ARHGAP12: variants seen among roughly 807,000 people sequenced by gnomAD.
ARHGAP12 encodes the protein Rho GTPase activating protein 12, also known as rho GTPase-activating protein 12.
In ARHGAP12, 64 loss-of-function variants were observed where a neutral mutation model predicts 108.6. The observed-to-expected ratio is 0.59, with a 90% CI of 0.48 to 0.73. The LOEUF is 0.73. Ranked by LOEUF, ARHGAP12 falls within the 30% of genes least tolerant of loss-of-function variation. The pLI, the probability that ARHGAP12 is intolerant of heterozygous loss-of-function variation, is 0.00. For missense variants in ARHGAP12, 940 were observed against 1,005.9 expected, an observed-to-expected ratio of 0.93 and a Z score of 0.89; for synonymous variants, 312 against 337.2, an observed-to-expected ratio of 0.93 and a Z score of 0.82.
At chr10:31,888,810 G>A (rs944094484) in intron 3 of ARHGAP12, among the ~76,000 whole-genome samples, 1 of 152,172 alleles carries the variant, frequency 6.6e-6, no homozygotes, top group African/African-American at 2.4e-5. Context: ...GGAAAAAAAG[G>A]TTAAGAAAAA....
intron 4 of ARHGAP12, among the ~76,000 whole-genome samples, chr10:31,855,546 T>A (rs1283289927): frequency 6.6e-6 from 1 of 152,190 alleles, no homozygotes; most frequent in Non-Finnish European, 1.5e-5. Context: ...AAACACTGCA[T>A]AAAGTGAATT....
chr10:31,907,336 GA>G (rs199997927), intron 3 of ARHGAP12, among the ~76,000 whole-genome samples: 4 of 141,738 alleles, frequency 2.8e-5, no homozygotes, highest in Non-Finnish European at 3.1e-5. Context: ...GGTTTAAAAA[GA>G]AAAAAAAAAG....
Position 31,861,810 on chromosome 10 carries a change from T to C in ARHGAP12, c.685-152A>G. 4 of 806,982 alleles carry C rather than the reference T, an allele frequency of 5.0e-6. No individual in the cohort carries two copies. In the East Asian group the frequency reaches 1.2e-4, roughly 23 times the overall value. The allele number at this position is 806,982 out of a possible 1,614,324, so 50.0% of individuals were successfully genotyped here. ...CTGAGGAAATAATAATTTAACAGTT[T>C]TAATATTCATAGTTTCATTGAAAAA... On this transcript the variant is annotated intron_variant, in intron 3 of 19. Transcript: ENST00000344936.
intron 1 of ARHGAP12, among the ~76,000 whole-genome samples, chr10:31,913,972 G>A (rs146944605): frequency 1.3e-3 from 194 of 152,170 alleles, no homozygotes; most frequent in African/African-American, 4.2e-3. Flanking sequence ...GAAATTTAAA[G>A]GTACTTGGTG....
At chr10:31,889,060 C>G (rs996562313) in intron 3 of ARHGAP12, among the ~76,000 whole-genome samples, 5 of 152,140 alleles carry the variant, frequency 3.3e-5, no homozygotes, top group African/African-American at 1.2e-4. Context: ...CAGGTGCCCA[C>G]CACCATGCCT....
At chr10:31,920,143 C>T (rs1440121147) in intron 1 of ARHGAP12, among the ~76,000 whole-genome samples, 1 of 149,558 alleles carries the variant, frequency 6.7e-6, no homozygotes, top group Non-Finnish European at 1.5e-5. Context: ...AGCAAACAAA[C>T]ATTCAAACTC....
chr10:31,807,675 A>C lies in ARHGAP12; in HGVS notation c.2524T>G (p.Ser842Ala). 1.9e-6 allele frequency: 3 copies of C among 1,602,040 alleles called. No homozygotes were observed. The highest frequency in any genetic ancestry group is 2.6e-6 in the Non-Finnish European group (3 of 1,176,422). Residue 842 changes from serine to alanine, a missense_variant, in exon 20 of 20, where the codon TCC (serine) becomes GCC (alanine). Coordinates refer to ENST00000344936, the MANE Select transcript of ARHGAP12 (RefSeq NM_018287.7). ...IVELILLELS[S>A]IFGR ...AGTAAGAATCAACGTCCGAAGATGG[A>C]ACTCAGTTCCAGAAGAATTAATTCT...
At chr10:31,910,849 A>G (rs1324367492) in intron 1 of ARHGAP12, among the ~76,000 whole-genome samples, 2 of 152,154 alleles carry the variant, frequency 1.3e-5, no homozygotes, top group Non-Finnish European at 2.9e-5. Flanking sequence ...GCATCTTTCT[A>G]AACTTCTGAT....
chr10:31,814,976 C>T (rs1343332681), intron 13 of ARHGAP12, among the ~76,000 whole-genome samples: 1 of 151,890 alleles, frequency 6.6e-6, no homozygotes, highest in African/African-American at 2.4e-5. Context: ...AAAAATTAGC[C>T]GGGCATGGTG....
chr10:31,826,265 T>C, intron 11 of ARHGAP12, 39 bp downstream of exon 11: 2 of 1,521,820 alleles, frequency 1.3e-6, no homozygotes, highest in Non-Finnish European at 1.8e-6. Flanking sequence ...ATTCACATAA[T>C]TTAAATGTAT....
At chr10:31,893,825 G>A (rs1015114974) in intron 3 of ARHGAP12, among the ~76,000 whole-genome samples, 3 of 152,134 alleles carry the variant, frequency 2.0e-5, no homozygotes, top group South Asian at 2.1e-4. Flanking sequence ...TATCCCTGAC[G>A]AACATCAATG....
intron 3 of ARHGAP12, among the ~76,000 whole-genome samples, chr10:31,882,098 TAG>T (rs1328540140): frequency 4.6e-5 from 7 of 151,990 alleles, no homozygotes; most frequent in Non-Finnish European, 7.4e-5. Flanking sequence ...GTATTTTTAG[TAG>T]AGACGGGGTT....
At position 31,840,355 on chromosome 10, in the gene ARHGAP12, G is replaced by GTT. The variant is rs35517549; in HGVS notation, c.1297-646_1297-645dup. ...TATCATAAGACCAAACCAATAACGTGTTTTTTTTTTAAGCAGTCTGCTTTG... is the reference window on the plus strand; with the variant it reads ...TATCATAAGACCAAACCAATAACGTGTTTTTTTTTTTTAAGCAGTCTGCTTTG... On this transcript the variant is annotated intron_variant, in intron 7 of 19. Coordinates refer to ENST00000344936, the MANE Select transcript of ARHGAP12 (RefSeq NM_018287.7). 5.5e-3 allele frequency among the ~76,000 whole-genome samples: 813 copies of GTT among 148,278 alleles called. 4 individuals are homozygous for GTT. Among genetic ancestry groups the GTT allele is most frequent in the South Asian group, 0.015 (69 of 4,706 alleles).
intron 2 of ARHGAP12, among the ~76,000 whole-genome samples, 169 bp from the exon 3 acceptor site, chr10:31,909,095 A>G (rs1839252477): frequency 6.6e-6 from 1 of 152,186 alleles, no homozygotes; most frequent in Non-Finnish European, 1.5e-5. Context: ...GCCACATTAA[A>G]AACACTTTCA....
rs370771029 is a variant in ARHGAP12, at chr10:31,865,246, G to A, written c.685-3588C>T. Among the ~76,000 whole-genome samples, 215 of 152,136 alleles carry A rather than the reference G, an allele frequency of 1.4e-3. 2 individuals carry two copies. The highest frequency in any genetic ancestry group is 0.014 in the Middle Eastern group (4 of 294). On this transcript the variant is annotated intron_variant, in intron 3 of 19. Transcript: ENST00000344936. ...AAAATATTACAGATTTTAGAGAGACGCAACTAGGAGGTTGGTACAGTAGTA... is the reference window on the plus strand; with the variant it reads ...AAAATATTACAGATTTTAGAGAGACACAACTAGGAGGTTGGTACAGTAGTA...
chr10:31,889,528 G>T, intron 3 of ARHGAP12, among the ~76,000 whole-genome samples: 1 of 150,006 alleles, frequency 6.7e-6, no homozygotes, highest in East Asian at 2.0e-4. Flanking sequence ...TAATAACTTT[G>T]AAAGTGTAAA....
intron 7 of ARHGAP12, among the ~76,000 whole-genome samples, chr10:31,840,846 G>T (rs1213434520): frequency 1.3e-5 from 2 of 152,046 alleles, no homozygotes; most frequent in East Asian, 1.9e-4. Context: ...ATCAAACAAG[G>T]TACTATTAAT....
At chr10:31,928,475 A>AACCCCCGCGCCCAGAGCCCCTC (rs1840161849) in intron 1 of ARHGAP12, among the ~76,000 whole-genome samples, 2 of 148,762 alleles carry the variant, frequency 1.3e-5, no homozygotes, top group East Asian at 3.9e-4. Flanking sequence ...CTCGGCGCCT[A>AACCCCCGCGCCCAGAGCCCCTC]ACCCCCGCGC....
At chr10:31,823,134 C>T (rs752692623) in intron 11 of ARHGAP12, among the ~76,000 whole-genome samples, 11 of 152,162 alleles carry the variant, frequency 7.2e-5, no homozygotes, top group African/African-American at 1.9e-4. Context: ...CCCACTACTA[C>T]GTAAGCTTTG....
Sources: allele counts gnomAD v4.1 joint callset (sites outside exome capture counted in the v4.1 genomes callset), GRCh38; gene constraint gnomAD v4.1.1; transcripts MANE v1.5; gene names NCBI Gene and HGNC (gene_info 2026-07-23, HGNC 2026-07-21).